The following CDH18 variants were observed in gnomAD, a reference collection of about 807,000 sequenced individuals.
CDH18 encodes the protein cadherin-18.
A neutral mutation model predicts 67.9 loss-of-function variants in CDH18; 31 were observed. The observed-to-expected ratio is 0.46, with a 90% CI of 0.34 to 0.62. The LOEUF is 0.62. Ranked by LOEUF, CDH18 falls within the 20% of genes least tolerant of loss-of-function variation. CDH18 has a pLI of 0.01. For missense variants in CDH18, 890 were observed against 975.5 expected, an observed-to-expected ratio of 0.91 and a Z score of 1.17; for synonymous variants, 362 against 347.2, an observed-to-expected ratio of 1.04 and a Z score of -0.48.
At chr5:19,575,743 A>G (rs1461244729) in intron 7 of CDH18, among the ~76,000 whole-genome samples, 2 of 152,178 alleles carry the variant, frequency 1.3e-5, no homozygotes, top group African/African-American at 2.4e-5. Context: ...AACAGAAATT[A>G]CCTTGAAGTT....
At chr5:20,016,161 G>A (rs376026885) in intron 2 of CDH18, among the ~76,000 whole-genome samples, 1 of 152,022 alleles carries the variant, frequency 6.6e-6, no homozygotes, top group South Asian at 2.1e-4. Flanking sequence ...GTCTTTTGGG[G>A]GAACATGGAT....
At chr5:19,998,737 C>CA (rs1249794851) in intron 2 of CDH18, among the ~76,000 whole-genome samples, 5 of 151,730 alleles carry the variant, frequency 3.3e-5, no homozygotes, top group Non-Finnish European at 7.4e-5. Context: ...AGATGCAAGA[C>CA]AAAAAATACG....
rs1021190465 is a variant in CDH18 at position 20,123,906 on chromosome 5, A to G, written c.-518+131538T>C. On this transcript the variant is annotated intron_variant, in intron 2 of 14. Coordinates refer to the CDH18 transcript ENST00000507958. The stretch of plus-strand genomic sequence containing the variant: ...CGTCTCAAAAAAAAAAAAAAAAAAA[A>G]GAATTTACAGGCCAAAAGTGAAAAT... 6.5e-4 allele frequency among the ~76,000 whole-genome samples: 91 copies of G among 140,882 alleles called. No individual in the cohort carries two copies. In the South Asian group the frequency reaches 0.018, roughly 27 times the overall value. The allele number at this position is 140,882 out of a possible 152,430, so 92.4% of individuals were successfully genotyped here.
At chr5:20,233,595 C>T (rs1450329581) in intron 2 of CDH18, among the ~76,000 whole-genome samples, 2 of 151,804 alleles carry the variant, frequency 1.3e-5, no homozygotes, top group Non-Finnish European at 2.9e-5. Flanking sequence ...TCAGTACACA[C>T]ATATGTACAC....
intron 2 of CDH18, among the ~76,000 whole-genome samples, chr5:19,890,345 C>T (rs1788654720): frequency 6.6e-6 from 1 of 151,926 alleles, no homozygotes; most frequent in Non-Finnish European, 1.5e-5. Flanking sequence ...ATCTCAAGAC[C>T]CTTAATCACA....
chr5:20,496,617 C>A (rs899078236), intron 1 of CDH18, among the ~76,000 whole-genome samples: 2 of 152,056 alleles, frequency 1.3e-5, no homozygotes, highest in Non-Finnish European at 2.9e-5. Flanking sequence ...TGGGAATTAT[C>A]GTTTCAGAGC....
chr5:19,977,046 T>C (rs1325670342), intron 2 of CDH18, among the ~76,000 whole-genome samples: 8 of 152,160 alleles, frequency 5.3e-5, no homozygotes, highest in African/African-American at 1.4e-4. Context: ...TGTGGATATA[T>C]AGTTTGTAGA....
At chr5:19,715,841 G>C (rs1433385422) in intron 5 of CDH18, among the ~76,000 whole-genome samples, 1 of 134,674 alleles carries the variant, frequency 7.4e-6, no homozygotes, top group Non-Finnish European at 1.6e-5. Context: ...TTGAGATGGA[G>C]TTTCTCACTC....
chr5:19,782,591 G>A (rs1213471109), intron 3 of CDH18, among the ~76,000 whole-genome samples: 1 of 152,190 alleles, frequency 6.6e-6, no homozygotes, highest in Non-Finnish European at 1.5e-5. Context: ...AATGGAGTCA[G>A]GGCAGCACGA....
chr5:20,174,957 A>G (rs1240763377), intron 2 of CDH18, among the ~76,000 whole-genome samples: 1 of 152,196 alleles, frequency 6.6e-6, no homozygotes, highest in Non-Finnish European at 1.5e-5. Context: ...ACACCGTGAA[A>G]TACTAGAAAA....
chr5:20,484,272 C>A (rs1304548915), intron 1 of CDH18, among the ~76,000 whole-genome samples: 2 of 151,772 alleles, frequency 1.3e-5, no homozygotes, highest in African/African-American at 4.8e-5. Flanking sequence ...AAAAGACAGG[C>A]AATAATAGAT....
At chr5:19,722,806 A>T (rs1358358198) in intron 4 of CDH18, among the ~76,000 whole-genome samples, 1 of 152,158 alleles carries the variant, frequency 6.6e-6, no homozygotes, top group East Asian at 1.9e-4. Context: ...ATGTTTTTAC[A>T]ATCAATTGAT....
intron 6 of CDH18, among the ~76,000 whole-genome samples, chr5:19,591,636 G>T (rs1198132948): frequency 6.6e-6 from 1 of 151,958 alleles, no homozygotes; most frequent in Non-Finnish European, 1.5e-5. Flanking sequence ...ATATAAAAAT[G>T]TGGAAACAAA....
intron 1 of CDH18, among the ~76,000 whole-genome samples, chr5:20,468,069 C>G (rs1314080795): frequency 1.3e-5 from 2 of 151,736 alleles, no homozygotes; most frequent in Non-Finnish European, 2.9e-5. Context: ...GGCTGGAGTA[C>G]AGTGGTGCAA....
intron 2 of CDH18, among the ~76,000 whole-genome samples, chr5:20,114,491 G>A (rs1031660399): frequency 6.6e-6 from 1 of 152,100 alleles, no homozygotes; most frequent in Admixed American, 6.5e-5. Flanking sequence ...TCTGGAAGCA[G>A]GGAGAAGTCT....
chr5:19,487,958 G>T (rs1421800367), intron 11 of CDH18, among the ~76,000 whole-genome samples: 1 of 152,066 alleles, frequency 6.6e-6, no homozygotes, highest in East Asian at 1.9e-4. Context: ...AAAAATATTT[G>T]TCATAAAATA....
At chr5:19,841,489 G>T (rs933193892) in intron 2 of CDH18, among the ~76,000 whole-genome samples, 2 of 150,416 alleles carry the variant, frequency 1.3e-5, no homozygotes, top group Non-Finnish European at 1.5e-5. Flanking sequence ...ATTCTTTCCA[G>T]CATTTGTAAT....
intron 5 of CDH18, among the ~76,000 whole-genome samples, chr5:19,683,924 T>C (rs111572586): frequency 2.0e-5 from 3 of 152,278 alleles, no homozygotes; most frequent in Non-Finnish European, 1.5e-5. Flanking sequence ...GAAACTTGAA[T>C]GCCTGTAGGT....
intron 1 of CDH18, among the ~76,000 whole-genome samples, chr5:20,423,131 A>G (rs949046566): frequency 6.6e-6 from 1 of 151,334 alleles, no homozygotes; most frequent in African/African-American, 2.5e-5. Flanking sequence ...ACGTCTGTGC[A>G]CTGCGCGCTG....
Sources: allele counts gnomAD v4.1 joint callset (sites outside exome capture counted in the v4.1 genomes callset), GRCh38; gene constraint gnomAD v4.1.1; transcripts MANE v1.5; gene names NCBI Gene and HGNC (gene_info 2026-07-23, HGNC 2026-07-21).